The following C5orf15 variants were observed in gnomAD, a reference collection of about 807,000 sequenced individuals.
C5orf15 encodes the protein chromosome 5 open reading frame 15.
Under a neutral mutation model 17.8 loss-of-function variants are expected in C5orf15, and 10 were observed. The observed-to-expected ratio is 0.56, with a 90% CI of 0.35 to 0.95. The LOEUF (loss-of-function observed/expected upper bound fraction) is 0.95, where lower values mean the gene tolerates loss of function less well. C5orf15 is among the 40% of genes least tolerant of loss of function. The pLI is 0.02. For missense variants in C5orf15, 319 were observed against 331.7 expected (o/e 0.96, Z 0.30); for synonymous variants, 124 against 131.0 (o/e 0.95, Z 0.36).
At chr5:133,968,371 C>T (rs758861745) in intron 1 of C5orf15, 75 bp downstream of exon 1, 5 of 1,542,022 alleles carry the variant, frequency 3.2e-6, no homozygotes, top group Non-Finnish European at 3.5e-6. Flanking sequence ...CGCCCTTTCC[C>T]TGGCCCGGCC....
chr5:133,959,430 AAC>A, intron 2 of C5orf15, 62 bp downstream of exon 2: 2 of 634,758 alleles, frequency 3.2e-6, no homozygotes, highest in Non-Finnish European at 4.8e-6. Context: ...AAAAAAAAAG[AAC>A]CATGAATCAT....
Position 133,957,000 on chromosome 5 carries a change from A to T in C5orf15, c.667-10T>A, listed in dbSNP as rs1414086656. On this transcript the variant is annotated splice_polypyrimidine_tract_variant and intron_variant, in intron 2 of 2. Transcript: ENST00000231512. The stretch of plus-strand genomic sequence containing the variant: ...GAACCAGAAGAAAAATCTGGAAAAC[A>T]GAAGTCATTAAATAGGCAAAAGAGA... The T allele has an allele frequency of 6.2e-7, 1 of 1,603,542 alleles. No individual in the cohort carries two copies. The highest frequency in any genetic ancestry group is 8.5e-7 in the Non-Finnish European group (1 of 1,176,480).
intron 1 of C5orf15, among the ~76,000 whole-genome samples, chr5:133,960,459 A>G (rs954130628): frequency 3.9e-5 from 6 of 152,184 alleles, no homozygotes; most frequent in African/African-American, 1.4e-4. Context: ...AGGTCCCAAA[A>G]AAGATATGGA....
At chr5:133,961,230 A>AGT (rs1176762957) in intron 1 of C5orf15, among the ~76,000 whole-genome samples, 2 of 118,350 alleles carry the variant, frequency 1.7e-5, no homozygotes, top group Admixed American at 1.8e-4. Context: ...GTAGTCAGTT[A>AGT]GTAAAAAAAA....
chr5:133,959,459 G>T, intron 2 of C5orf15, 35 bp downstream of exon 2: 20 of 666,082 alleles, frequency 3.0e-5, no homozygotes, highest in Non-Finnish European at 4.0e-5. Context: ...CATTATGACT[G>T]AAATAATAAA....
At chr5:133,958,735 TTC>T (rs768926432) in intron 2 of C5orf15, among the ~76,000 whole-genome samples, 2 of 152,104 alleles carry the variant, frequency 1.3e-5, no homozygotes, top group Non-Finnish European at 2.9e-5. Flanking sequence ...TTCTAAACTC[TTC>T]TGTTTTCTGA....
At chr5:133,963,162 A>G (rs919162173) in intron 1 of C5orf15, among the ~76,000 whole-genome samples, 7 of 152,232 alleles carry the variant, frequency 4.6e-5, no homozygotes, top group African/African-American at 1.4e-4. Context: ...GTTGGCAATC[A>G]TATTTTCCTA....
Position 133,956,662 on chromosome 5 carries a change from C to T in C5orf15, c.*197G>A, listed in dbSNP as rs898254203. On this transcript the variant is annotated 3_prime_UTR_variant, in exon 3 of 3. Transcript: ENST00000231512. ...GGTAATGTTTAACTCACATTTTGGACACCTGATTAAACTCAGCTCTAAAAG... is the reference window on the plus strand; with the variant it reads ...GGTAATGTTTAACTCACATTTTGGATACCTGATTAAACTCAGCTCTAAAAG... The T allele has an allele frequency of 1.6e-5, 6 of 379,744 alleles. No individual in the cohort carries two copies. Among genetic ancestry groups the T allele is most frequent in the East Asian group, 5.6e-5 (1 of 18,006 alleles). 23.5% of individuals were successfully genotyped at this position (379,744 alleles called of 1,614,324 possible). A position where few individuals can be genotyped will look rare whatever the true frequency, so the allele number is the denominator to read the frequency against.
intron 2 of C5orf15, among the ~76,000 whole-genome samples, chr5:133,959,036 C>T (rs1752079680): frequency 6.6e-6 from 1 of 151,924 alleles, no homozygotes; most frequent in South Asian, 2.1e-4. Flanking sequence ...GATTAGACAT[C>T]TCAATATTTT....
chr5:133,963,563 C>T lies in C5orf15; in HGVS notation c.140-3543G>A, dbSNP rs367654191. On this transcript the variant is annotated intron_variant, in intron 1 of 2. Coordinates refer to ENST00000231512, the MANE Select transcript of C5orf15 (RefSeq NM_020199.3). ...GTTAGAGACCTCAGGATATGTGAAACAACATGGTGGTGACTTCCTTAGGTT... is the reference window on the plus strand; with the variant it reads ...GTTAGAGACCTCAGGATATGTGAAATAACATGGTGGTGACTTCCTTAGGTT... Among the ~76,000 whole-genome samples, 19 of 152,306 alleles carry T rather than the reference C, an allele frequency of 1.2e-4. No individual in the cohort carries two copies. The South Asian group carries it at 2.7e-3, about 22-fold the overall frequency.
chr5:133,963,905 A>G (rs982556530), intron 1 of C5orf15, among the ~76,000 whole-genome samples: 1 of 152,206 alleles, frequency 6.6e-6, no homozygotes, highest in African/African-American at 2.4e-5. Context: ...CCTATACCAT[A>G]GAATATTACT....
At position 133,957,005 on chromosome 5, in the gene C5orf15, T is replaced by C; in HGVS notation, c.667-15A>G. ...AGAAGAAAAATCTGGAAAACAGAAG[T>C]CATTAAATAGGCAAAAGAGAAAACA... On this transcript the variant is annotated splice_polypyrimidine_tract_variant and intron_variant, in intron 2 of 2. Transcript: ENST00000231512. 6.3e-7 allele frequency: 1 copy of C among 1,598,428 alleles called. No individual in the cohort carries two copies. The highest frequency in any genetic ancestry group is 8.5e-7 in the Non-Finnish European group (1 of 1,172,852).
Position 133,959,900 on chromosome 5 carries a change from G to A in C5orf15, c.260C>T (p.Thr87Ile), listed in dbSNP as rs573494269. The change falls in exon 2 of 3, where the codon ACC becomes ATC. Residue 87 changes from threonine (T) to isoleucine (I), a missense_variant. Coordinates refer to ENST00000231512, the MANE Select transcript of C5orf15 (RefSeq NM_020199.3). ...CTTGGTACTCGTCGTGGGAGGGAGGGTGGTGCTGATTTGGGAAATAGAAGG... is the reference window on the plus strand; with the variant it reads ...CTTGGTACTCGTCGTGGGAGGGAGGATGGTGCTGATTTGGGAAATAGAAGG... Reference protein sequence around the residue: ...TKPSISQISTTLPPTTSTKKS... With the variant: ...TKPSISQISTILPPTTSTKKS... The A allele has an allele frequency of 1.9e-6, 3 of 1,614,096 alleles. 1 individual carries two copies. The South Asian group carries it at 3.3e-5, about 18-fold the overall frequency.
At position 133,955,700 on chromosome 5, in the gene C5orf15, G is replaced by C. The variant is rs1364208299; in HGVS notation, c.*1159C>G. On this transcript the variant is annotated 3_prime_UTR_variant, in exon 3 of 3. Coordinates refer to ENST00000231512, the MANE Select transcript of C5orf15 (RefSeq NM_020199.3). ...CGGCCTTCTTCCAGCTCTACATAAA[G>C]CGCAAGCCCACTGGCTCACCCGGGT... The C allele has an allele frequency of 1.3e-5, 2 of 152,630 alleles. No homozygotes were observed. Among genetic ancestry groups the C allele is most frequent in the African/African-American group, 4.8e-5 (2 of 41,428 alleles). 9.5% of individuals were successfully genotyped at this position (152,630 alleles called of 1,614,324 possible).
intron 1 of C5orf15, among the ~76,000 whole-genome samples, chr5:133,962,144 C>T (rs1752133233): frequency 6.6e-6 from 1 of 152,062 alleles, no homozygotes; most frequent in Non-Finnish European, 1.5e-5. Flanking sequence ...TAAGTGGGAG[C>T]CAACTAACTA....
intron 1 of C5orf15, among the ~76,000 whole-genome samples, chr5:133,963,160 T>C (rs999073500): frequency 4.6e-5 from 7 of 152,230 alleles, no homozygotes; most frequent in African/African-American, 1.4e-4. Flanking sequence ...TTGTTGGCAA[T>C]CATATTTTCC....
At position 133,968,593 on chromosome 5, in the gene C5orf15, C is replaced by A. The variant is rs764381992; in HGVS notation, c.-9G>T. 26 of 1,602,200 alleles carry A rather than the reference C, an allele frequency of 1.6e-5. No homozygotes were observed. Among genetic ancestry groups the A allele is most frequent in the South Asian group, 5.6e-5 (5 of 89,040 alleles). On this transcript the variant is annotated 5_prime_UTR_variant, in exon 1 of 3. Coordinates refer to ENST00000231512, the MANE Select transcript of C5orf15 (RefSeq NM_020199.3). ...GGGACGGCAGCGGCCATAACGGACT[C>A]GGCTGGGAGCCTGCGCTGTTGCTAG...
chr5:133,956,413 A>G lies in C5orf15; in HGVS notation c.*446T>C, dbSNP rs1349433977. On this transcript the variant is annotated 3_prime_UTR_variant, in exon 3 of 3. Transcript: ENST00000231512. ...TGGAAGAAAAAAAAATATTACTCAAATCCAAAGCATTATCACACATATCCT... is the reference window on the plus strand; with the variant it reads ...TGGAAGAAAAAAAAATATTACTCAAGTCCAAAGCATTATCACACATATCCT... The G allele has an allele frequency of 6.6e-6, 1 of 152,640 alleles. No individual in the cohort carries two copies. The highest frequency in any genetic ancestry group is 1.5e-5 in the Non-Finnish European group (1 of 68,058). The allele number at this position is 152,640 out of a possible 1,614,324, so 9.5% of individuals were successfully genotyped here.
At chr5:133,959,464 A>T in intron 2 of C5orf15, 30 bp downstream of exon 2, 2 of 1,399,434 alleles carry the variant, frequency 1.4e-6, no homozygotes, top group Non-Finnish European at 1.9e-6. Context: ...TGACTGAAAT[A>T]ATAAAGGGCT....
Sources: gnomAD v4.1 joint callset for allele counts (sites outside exome capture counted in the v4.1 genomes callset) on GRCh38, gnomAD v4.1.1 for gene constraint, MANE v1.5 for transcripts, NCBI Gene and HGNC (gene_info 2026-07-23, HGNC 2026-07-21) for gene names.